DOCK3: variants seen among roughly 807,000 people sequenced by gnomAD.
DOCK3 encodes dedicator of cytokinesis protein 3.
A neutral mutation model predicts 265.6 loss-of-function variants in DOCK3; 60 were observed. That is an observed-to-expected ratio of 0.23 (90% confidence interval 0.18 to 0.28). The LOEUF is 0.28. DOCK3 is among the 10% of genes least tolerant of loss of function. The probability of loss-of-function intolerance (pLI) is 1.00; values close to 1 mark genes in which losing one functional copy is unlikely to be tolerated. For missense variants in DOCK3, 1,981 were observed against 2,594.3 expected (o/e 0.76, Z 5.14); for synonymous variants, 881 against 938.0 (o/e 0.94, Z 1.11).
intron 22 of DOCK3, among the ~76,000 whole-genome samples, chr3:51,257,014 G>A (rs2079585497): frequency 6.6e-6 from 1 of 152,234 alleles, no homozygotes; most frequent in African/African-American, 2.4e-5. Context: ...GTTTCCAAGG[G>A]GTCTTGCTAG....
At chr3:51,286,745 C>T (rs1466099306) in intron 27 of DOCK3, among the ~76,000 whole-genome samples, 1 of 152,178 alleles carries the variant, frequency 6.6e-6, no homozygotes, top group Non-Finnish European at 1.5e-5. Flanking sequence ...ATAAATGGTG[C>T]TGGGATAACT....
chr3:50,751,764 A>T (rs2039827359), intron 1 of DOCK3, among the ~76,000 whole-genome samples: 1 of 152,236 alleles, frequency 6.6e-6, no homozygotes, highest in South Asian at 2.1e-4. Flanking sequence ...GTAGACTCAC[A>T]GTTCCACATG....
intron 2 of DOCK3, chr3:50,786,730 T>C: frequency 1.4e-6 from 1 of 719,926 alleles, no homozygotes; most frequent in Non-Finnish European, 2.6e-6. Context: ...TTTTCATGTG[T>C]TCATGAAAAT....
chr3:50,689,668 A>G (rs952810481), intron 1 of DOCK3, among the ~76,000 whole-genome samples: 5 of 152,204 alleles, frequency 3.3e-5, no homozygotes, highest in South Asian at 4.1e-4. Context: ...GGAGCATGCA[A>G]CCTAGATCCC....
At chr3:51,228,312 T>A (rs1458294163) in intron 17 of DOCK3, among the ~76,000 whole-genome samples, 2 of 152,224 alleles carry the variant, frequency 1.3e-5, no homozygotes, top group African/African-American at 4.8e-5. Flanking sequence ...ACTTCTCACT[T>A]CACTGGATGG....
chr3:51,109,589 A>G (rs1560074736), intron 9 of DOCK3, among the ~76,000 whole-genome samples: 1 of 152,102 alleles, frequency 6.6e-6, no homozygotes, highest in Admixed American at 6.5e-5. Context: ...ATTTTTTGAA[A>G]AAAATAATAA....
At chr3:51,355,795 C>T (rs1321006274) in intron 41 of DOCK3, among the ~76,000 whole-genome samples, 4 of 152,220 alleles carry the variant, frequency 2.6e-5, no homozygotes, top group Admixed American at 6.5e-5. Flanking sequence ...GCATTCCCCT[C>T]TTTCCCTTTG....
At chr3:51,297,116 T>TCA (rs2082125966) in intron 27 of DOCK3, among the ~76,000 whole-genome samples, 1 of 6,482 alleles carries the variant, frequency 1.5e-4, no homozygotes, top group South Asian at 4.6e-3. Context: ...AGACTCTGTC[T>TCA]CAAAAAAAAA....
chr3:51,264,058 T>TAG (rs1268184816), intron 23 of DOCK3, among the ~76,000 whole-genome samples: 1 of 152,074 alleles, frequency 6.6e-6, no homozygotes, highest in African/African-American at 2.4e-5. Context: ...CTGGACCGAG[T>TAG]AGACCTGATA....
intron 27 of DOCK3, among the ~76,000 whole-genome samples, chr3:51,297,169 T>C (rs1461087548): frequency 6.8e-6 from 1 of 146,354 alleles, no homozygotes; most frequent in East Asian, 2.0e-4. Flanking sequence ...ATATCGCATC[T>C]CTACCTTATA....
intron 27 of DOCK3, among the ~76,000 whole-genome samples, chr3:51,292,809 C>G (rs992239821): frequency 6.6e-6 from 1 of 152,066 alleles, no homozygotes; most frequent in Non-Finnish European, 1.5e-5. Context: ...TCCTGAGTAG[C>G]TGGGTTTACA....
chr3:51,259,953 G>A (rs2079763567), intron 22 of DOCK3, among the ~76,000 whole-genome samples: 1 of 152,192 alleles, frequency 6.6e-6, no homozygotes, highest in Non-Finnish European at 1.5e-5. Flanking sequence ...CTTTCAGTAA[G>A]AAGGTAGCTG....
chr3:50,872,574 C>T (rs563077305), intron 3 of DOCK3, among the ~76,000 whole-genome samples: 1 of 152,332 alleles, frequency 6.6e-6, no homozygotes, highest in East Asian at 1.9e-4. Context: ...CCCTGGAGCT[C>T]TAGAATGAGC....
chr3:51,160,809 GCTCAC>G lies in DOCK3; in HGVS notation c.1037+108_1037+112del, dbSNP rs1160476001. ...CCTTGTGGACACAGGCCACGCAGTG[GCTCAC>G]GCCTGTATTCCCAACACTTTGGGAG... On this transcript the variant is annotated intron_variant, in intron 12 of 52. Transcript: ENST00000266037. 1.6e-5 allele frequency: 22 copies of G among 1,356,302 alleles called. No homozygotes were observed. The Admixed American group carries it at 6.1e-4, about 38-fold the overall frequency. The allele number at this position is 1,356,302 out of a possible 1,614,324, so 84.0% of individuals were successfully genotyped here.
chr3:50,753,086 C>T (rs1397674146), intron 1 of DOCK3, among the ~76,000 whole-genome samples: 1 of 150,804 alleles, frequency 6.6e-6, no homozygotes, highest in Non-Finnish European at 1.5e-5. Flanking sequence ...GAACAGATCT[C>T]CACACGTTTT....
At chr3:50,889,066 G>GGTGTGTGTGTGTGTGT (rs36180907) in intron 3 of DOCK3, among the ~76,000 whole-genome samples, 2 of 134,192 alleles carry the variant, frequency 1.5e-5, no homozygotes, top group African/African-American at 5.5e-5. Flanking sequence ...TTAAGCCATG[G>GGTGTGTGTGTGTGTGT]GTGTGTGTGT....
chr3:50,953,126 T>C (rs1275935534), intron 5 of DOCK3, among the ~76,000 whole-genome samples: 1 of 152,126 alleles, frequency 6.6e-6, no homozygotes, highest in Non-Finnish European at 1.5e-5. Context: ...ATAATCTTTC[T>C]TGTTTAATTT....
intron 24 of DOCK3, among the ~76,000 whole-genome samples, chr3:51,274,270 G>A (rs576606429): frequency 1.3e-5 from 2 of 152,168 alleles, no homozygotes; most frequent in East Asian, 1.9e-4. Context: ...ACAAGCCTGT[G>A]GGGGAAAGGG....
intron 40 of DOCK3, among the ~76,000 whole-genome samples, chr3:51,350,810 G>A (rs2085926902): frequency 6.6e-6 from 1 of 152,184 alleles, no homozygotes; most frequent in Admixed American, 6.5e-5. Flanking sequence ...CTAAGATGAT[G>A]GTTTTTCCTC....
Sources: gnomAD v4.1 joint callset for allele counts (sites outside exome capture counted in the v4.1 genomes callset) on GRCh38, gnomAD v4.1.1 for gene constraint, MANE v1.5 for transcripts, NCBI Gene and HGNC (gene_info 2026-07-23, HGNC 2026-07-21) for gene names.